FTO: variants seen among roughly 807,000 people sequenced by gnomAD.
The protein encoded by FTO is FTO alpha-ketoglutarate dependent dioxygenase.
Under a neutral mutation model 63.9 loss-of-function variants are expected in FTO, and 47 were observed. That is an observed-to-expected ratio of 0.74 (90% CI 0.58 to 0.94). The LOEUF is 0.94. Among genes scored for constraint, FTO ranks in the 40% least tolerant of loss-of-function variants. The pLI is 0.00. For synonymous variants in FTO, 207 were observed against 224.4 expected, an observed-to-expected ratio of 0.92 and a Z score of 0.69; for missense variants, 562 against 618.1, an observed-to-expected ratio of 0.91 and a Z score of 0.96.
intron 8 of FTO, among the ~76,000 whole-genome samples, chr16:54,015,867 T>C (rs1012342354): frequency 1.3e-5 from 2 of 152,218 alleles, no homozygotes; most frequent in African/African-American, 4.8e-5. Context: ...TTCGAACCCA[T>C]GCAGTCTGCC....
chr16:53,770,335 C>CTA (rs2077306201), intron 1 of FTO, among the ~76,000 whole-genome samples: 1 of 152,140 alleles, frequency 6.6e-6, no homozygotes, highest in Non-Finnish European at 1.5e-5. Flanking sequence ...TTCCCAAGTA[C>CTA]TATCCAGTGA....
rs144888931 is a variant in FTO at position 53,797,278 on chromosome 16, T to A, written c.46-12862T>A. Reference sequence around the variant, plus strand: ...AATGTCCATAAGTTTAATAAACCATTAGGGTTTACTTTTGGTGGTATATAT... The same window carrying A: ...AATGTCCATAAGTTTAATAAACCATAAGGGTTTACTTTTGGTGGTATATAT... On this transcript the variant is annotated intron_variant, in intron 1 of 8. Transcript: ENST00000471389. 9.8e-5 allele frequency among the ~76,000 whole-genome samples: 15 copies of A among 152,334 alleles called. No individual in the cohort carries two copies. The East Asian group carries it at 2.9e-3, about 29-fold the overall frequency.
At chr16:53,996,263 T>G (rs2083930627) in intron 8 of FTO, among the ~76,000 whole-genome samples, 1 of 152,262 alleles carries the variant, frequency 6.6e-6, no homozygotes, top group East Asian at 1.9e-4. Context: ...CCTAACTGAT[T>G]CAGTTACTTT....
chr16:53,760,960 AT>A (rs2077053188), intron 1 of FTO, among the ~76,000 whole-genome samples: 3 of 151,602 alleles, frequency 2.0e-5, no homozygotes. Context: ...TTGACGATTT[AT>A]TTTTATTGTT....
At chr16:53,945,048 C>A (rs1397462684) in intron 8 of FTO, among the ~76,000 whole-genome samples, 1 of 152,162 alleles carries the variant, frequency 6.6e-6, no homozygotes, top group Non-Finnish European at 1.5e-5. Context: ...TCATTAGTGA[C>A]TATAGGACTC....
At chr16:53,844,436 T>C (rs1470154168) in intron 4 of FTO, 138 bp downstream of exon 4, 4 of 716,674 alleles carry the variant, frequency 5.6e-6, no homozygotes, top group Non-Finnish European at 9.4e-6. Context: ...TATAAGAACA[T>C]GTAACTAGGT....
At chr16:53,782,554 T>A (rs1318923849) in intron 1 of FTO, among the ~76,000 whole-genome samples, 2 of 152,232 alleles carry the variant, frequency 1.3e-5, no homozygotes, top group African/African-American at 4.8e-5. Flanking sequence ...CTAATGCATC[T>A]TTCCTAATAG....
At chr16:53,901,523 C>T (rs2081402815) in intron 7 of FTO, among the ~76,000 whole-genome samples, 1 of 152,190 alleles carries the variant, frequency 6.6e-6, no homozygotes, top group Non-Finnish European at 1.5e-5. Flanking sequence ...TCTTCTCTCA[C>T]TTCCACTGCT....
At chr16:53,833,743 T>C (rs2079206430) in intron 3 of FTO, among the ~76,000 whole-genome samples, 1 of 152,228 alleles carries the variant, frequency 6.6e-6, no homozygotes, top group Non-Finnish European at 1.5e-5. Flanking sequence ...CAACACTTAC[T>C]GTTTCCTGTT....
At chr16:53,894,073 G>A (rs956875254) in intron 7 of FTO, among the ~76,000 whole-genome samples, 1 of 152,200 alleles carries the variant, frequency 6.6e-6, no homozygotes, top group African/African-American at 2.4e-5. Context: ...GCAGAGACAT[G>A]TGGAAAATGA....
Position 54,117,968 on chromosome 16 carries a change from T to C in FTO, c.*6053T>C, listed in dbSNP as rs1403387379. 1.3e-5 allele frequency: 2 copies of C among 152,262 alleles called. No homozygotes were observed. The highest frequency in any genetic ancestry group is 4.8e-5 in the African/African-American group (2 of 41,476). The allele number at this position is 152,262 out of a possible 1,614,324, so 9.4% of individuals were successfully genotyped here. Reference sequence around the variant, plus strand: ...TTACTTTTCATCAATCCTGAAAGAATTGAGGTAAAATAGTTCCTCTGCACA... The same window carrying C: ...TTACTTTTCATCAATCCTGAAAGAACTGAGGTAAAATAGTTCCTCTGCACA... On this transcript the variant is annotated 3_prime_UTR_variant, in exon 9 of 9. Transcript: ENST00000471389.
intron 8 of FTO, among the ~76,000 whole-genome samples, chr16:54,057,939 C>T (rs2144367981): frequency 6.6e-6 from 1 of 152,158 alleles, no homozygotes; most frequent in Non-Finnish European, 1.5e-5. Flanking sequence ...AAGAACACAT[C>T]TCCATGGGGA....
At chr16:54,015,727 T>C (rs1440539420) in intron 8 of FTO, among the ~76,000 whole-genome samples, 1 of 152,222 alleles carries the variant, frequency 6.6e-6, no homozygotes, top group Admixed American at 6.5e-5. Context: ...AATTATTTCA[T>C]CTCATTCTCA....
intron 1 of FTO, among the ~76,000 whole-genome samples, chr16:53,734,847 A>T (rs141567861): frequency 2.0e-5 from 3 of 152,312 alleles, no homozygotes; most frequent in Non-Finnish European, 4.4e-5. Flanking sequence ...AAGATAAAAG[A>T]GAGTTTTTAT....
At chr16:53,946,990 T>A (rs901269778) in intron 8 of FTO, among the ~76,000 whole-genome samples, 1 of 152,244 alleles carries the variant, frequency 6.6e-6, no homozygotes, top group Non-Finnish European at 1.5e-5. Context: ...ACTGTTACAG[T>A]TAATTTTATG....
intron 8 of FTO, 83 bp downstream of exon 8, chr16:53,934,192 C>T: frequency 6.8e-7 from 1 of 1,471,802 alleles, no homozygotes; most frequent in Non-Finnish European, 9.5e-7. Context: ...TGGCTGGCCT[C>T]ATCCCTTTCC....
intron 1 of FTO, among the ~76,000 whole-genome samples, chr16:53,748,941 T>G (rs1016698497): frequency 1.3e-5 from 2 of 151,664 alleles, no homozygotes; most frequent in Non-Finnish European, 2.9e-5. Flanking sequence ...CTTTTTTGTA[T>G]TTTTAGTAGA....
At chr16:53,972,839 A>G (rs2083358242) in intron 8 of FTO, among the ~76,000 whole-genome samples, 1 of 152,148 alleles carries the variant, frequency 6.6e-6, no homozygotes, top group Non-Finnish European at 1.5e-5. Flanking sequence ...AAATTCTCTT[A>G]ATGGAATAGT....
intron 8 of FTO, among the ~76,000 whole-genome samples, chr16:53,957,137 T>A (rs2143591986): frequency 6.6e-6 from 1 of 152,318 alleles, no homozygotes; most frequent in East Asian, 1.9e-4. Context: ...CAATAAAATT[T>A]TCTTATCCCC....
Sources: gnomAD v4.1 joint callset for allele counts (sites outside exome capture counted in the v4.1 genomes callset) on GRCh38, gnomAD v4.1.1 for gene constraint, MANE v1.5 for transcripts, NCBI Gene and HGNC (gene_info 2026-07-23, HGNC 2026-07-21) for gene names.